Variants in IQCM observed in about 807,000 individuals in gnomAD.
IQCM encodes the protein IQ motif containing M, also known as IQ domain-containing protein M.
IQCM carries 45 observed loss-of-function variants against 57.6 expected under a neutral mutation model. The ratio of observed to expected loss-of-function variants is 0.78; its 90% CI spans 0.62 to 1.00. The LOEUF is 1.00. Ranked by LOEUF, IQCM falls within the 50% of genes least tolerant of loss-of-function variation. The pLI, the probability that IQCM is intolerant of heterozygous loss-of-function variation, is 0.00. For synonymous variants in IQCM, 148 were observed against 158.9 expected, an observed-to-expected ratio of 0.93 and a Z score of 0.51; for missense variants, 468 against 511.6, an observed-to-expected ratio of 0.91 and a Z score of 0.82.
At chr4:149,526,192 AAAAATAGAAGCACCAATCC>A (rs1458197015) in intron 12 of IQCM, among the ~76,000 whole-genome samples, 5 of 151,960 alleles carry the variant, frequency 3.3e-5, no homozygotes, top group African/African-American at 1.2e-4. Context: ...TCTGTTTCAT[AAAAATAGAAGCACCAATCC>A]AAAAAGATGT....
intron 2 of IQCM, among the ~76,000 whole-genome samples, chr4:149,794,802 A>G (rs1437183933): frequency 2.0e-5 from 3 of 152,154 alleles, no homozygotes; most frequent in African/African-American, 7.2e-5. Flanking sequence ...AAAGATAGAT[A>G]TAGATATTTC....
chr4:149,639,312 T>C (rs770974259), intron 7 of IQCM, among the ~76,000 whole-genome samples: 8 of 151,444 alleles, frequency 5.3e-5, no homozygotes, highest in Non-Finnish European at 1.2e-4. Flanking sequence ...TGTGGTCCCA[T>C]CTACTCAGGA....
intron 12 of IQCM, among the ~76,000 whole-genome samples, chr4:149,441,379 C>T (rs1198247198): frequency 3.9e-5 from 6 of 152,048 alleles, no homozygotes; most frequent in African/African-American, 9.7e-5. Flanking sequence ...CAGGAATAAG[C>T]AATTCCTATT....
intron 12 of IQCM, among the ~76,000 whole-genome samples, chr4:149,439,243 G>A (rs1272186645): frequency 2.0e-5 from 3 of 151,864 alleles, no homozygotes; most frequent in Non-Finnish European, 4.4e-5. Flanking sequence ...CAAAAGGTTC[G>A]CTTCTTCAGT....
intron 9 of IQCM, among the ~76,000 whole-genome samples, chr4:149,576,163 A>G (rs887653701): frequency 6.6e-6 from 1 of 151,698 alleles, no homozygotes; most frequent in African/African-American, 2.4e-5. Flanking sequence ...CCAACTTTTC[A>G]GGTTTAGGGT....
intron 12 of IQCM, among the ~76,000 whole-genome samples, chr4:149,538,597 T>C (rs905342817): frequency 2.0e-5 from 3 of 151,970 alleles, no homozygotes; most frequent in African/African-American, 7.2e-5. Flanking sequence ...ACTACATTTT[T>C]AAAAGATCAA....
rs917287088 is a variant in IQCM at position 149,606,224 on chromosome 4, C to T, written c.681+14905G>A. Among the ~76,000 whole-genome samples, 8 of 152,258 alleles carry T rather than the reference C, an allele frequency of 5.3e-5. No homozygotes were observed. In the South Asian group the frequency reaches 1.2e-3, roughly 24 times the overall value. On this transcript the variant is annotated intron_variant, in intron 8 of 13. Transcript: ENST00000636793. ...TACCAGCATCACCCCTCCCCCAGCT[C>T]CAGGCAGCCCAGTACAGAGAGAGAC... is the stretch of plus-strand genomic sequence containing the variant.
chr4:149,632,827 C>T (rs563818687), intron 7 of IQCM, among the ~76,000 whole-genome samples: 6 of 152,274 alleles, frequency 3.9e-5, no homozygotes, highest in African/African-American at 1.4e-4. Context: ...CTAAGAGGCT[C>T]ACGAAGTCCA....
intron 7 of IQCM, among the ~76,000 whole-genome samples, chr4:149,669,265 A>G (rs1452183068): frequency 6.6e-6 from 1 of 152,178 alleles, no homozygotes; most frequent in Non-Finnish European, 1.5e-5. Flanking sequence ...TCTGTTGGCT[A>G]CATAAATGTC....
chr4:149,582,604 G>C (rs1303278299), intron 9 of IQCM, among the ~76,000 whole-genome samples: 1 of 151,178 alleles, frequency 6.6e-6, no homozygotes, highest in Non-Finnish European at 1.5e-5. Flanking sequence ...TTATAGAGGA[G>C]ATTTGTCCTT....
At chr4:149,815,478 T>C (rs1169367617) in intron 1 of IQCM, 122 bp downstream of exon 1, 2 of 151,884 alleles carry the variant, frequency 1.3e-5, no homozygotes, top group African/African-American at 2.4e-5. Context: ...CTAAGAAAAC[T>C]TATTTCTTTG....
intron 2 of IQCM, among the ~76,000 whole-genome samples, chr4:149,807,499 C>T (rs1279400213): frequency 1.3e-5 from 2 of 151,834 alleles, no homozygotes; most frequent in Non-Finnish European, 2.9e-5. Flanking sequence ...TGAGGAAATG[C>T]TACAGGACAT....
At chr4:149,586,546 A>C (rs1172274587) in intron 9 of IQCM, among the ~76,000 whole-genome samples, 3 of 151,592 alleles carry the variant, frequency 2.0e-5, no homozygotes, top group African/African-American at 7.3e-5. Context: ...TAATCTTTTC[A>C]AAGATTAATG....
At chr4:149,411,885 G>A (rs145353186) in intron 13 of IQCM, among the ~76,000 whole-genome samples, 6 of 152,212 alleles carry the variant, frequency 3.9e-5, no homozygotes, top group Non-Finnish European at 7.4e-5. Flanking sequence ...CTGAGATTGA[G>A]CCCAGATTGT....
At chr4:149,662,803 A>G (rs1760342107) in intron 7 of IQCM, among the ~76,000 whole-genome samples, 2 of 152,024 alleles carry the variant, frequency 1.3e-5, no homozygotes, top group Middle Eastern at 3.2e-3. Flanking sequence ...CTTTAAAAGC[A>G]AAGTGAGTAC....
chr4:149,581,884 A>G (rs1025801672), intron 9 of IQCM, among the ~76,000 whole-genome samples: 1 of 151,566 alleles, frequency 6.6e-6, no homozygotes, highest in Non-Finnish European at 1.5e-5. Context: ...ATGTCTTCCA[A>G]GGTGGGAAGT....
At chr4:149,594,082 G>A (rs551939359) in intron 8 of IQCM, among the ~76,000 whole-genome samples, 11 of 152,198 alleles carry the variant, frequency 7.2e-5, no homozygotes, top group South Asian at 6.2e-4. Context: ...GAATCCATCC[G>A]GTCCCGGACT....
intron 12 of IQCM, among the ~76,000 whole-genome samples, chr4:149,472,527 G>A (rs1219354902): frequency 6.6e-6 from 1 of 152,110 alleles, no homozygotes; most frequent in African/African-American, 2.4e-5. Flanking sequence ...AATCAATATT[G>A]TGAAAATGGC....
intron 8 of IQCM, among the ~76,000 whole-genome samples, chr4:149,588,401 A>G (rs1010202831): frequency 6.6e-6 from 1 of 151,928 alleles, no homozygotes; most frequent in Non-Finnish European, 1.5e-5. Context: ...ATAATGCCAA[A>G]TATGCTCTGA....
Sources: allele counts gnomAD v4.1 joint callset (sites outside exome capture counted in the v4.1 genomes callset), GRCh38; gene constraint gnomAD v4.1.1; transcripts MANE v1.5; gene names NCBI Gene and HGNC (gene_info 2026-07-23, HGNC 2026-07-21).